CLN6: variants seen among roughly 807,000 people sequenced by gnomAD.
CLN6 encodes CLN6 transmembrane ER protein, also known as ceroid-lipofuscinosis neuronal protein 6.
Under a neutral mutation model 33.3 loss-of-function variants are expected in CLN6, and 22 were observed. The ratio of observed to expected loss-of-function variants is 0.66; its 90% CI spans 0.47 to 0.94. CLN6 has a LOEUF of 0.94. Ranked by LOEUF, CLN6 falls within the 40% of genes least tolerant of loss-of-function variation. The pLI is 0.00. For missense variants in CLN6, 387 were observed against 417.1 expected (o/e 0.93, Z 0.63); for synonymous variants, 201 against 174.6 (o/e 1.15, Z -1.19).
chr15:68,253,758 A>T (rs1188147543), intron 1 of CLN6, among the ~76,000 whole-genome samples: 1 of 152,238 alleles, frequency 6.6e-6, no homozygotes, highest in Non-Finnish European at 1.5e-5. Context: ...TTAGCCGCCG[A>T]TATTATGCCA....
At chr15:68,225,824 T>G (rs536352902) in intron 1 of CLN6, among the ~76,000 whole-genome samples, 35 of 148,822 alleles carry the variant, frequency 2.4e-4, no homozygotes, top group Admixed American at 2.1e-3. Context: ...AATACAAAAA[T>G]TAGATGGGCG....
Position 68,209,549 on chromosome 15 carries a change from C to T in CLN6, c.665+88G>A. ...AAGAGGGCCAGTCTCCCTGGGGCCA[C>T]ACAGCAGGTCCATTGGCAAGTGCAG... On this transcript the variant is annotated intron_variant, in intron 6 of 6. Transcript: ENST00000249806. The surrounding 1 kb of genome is among the most constrained non-coding windows in gnomAD (Gnocchi z 4.9). 1 of 1,569,716 alleles carries T rather than the reference C, an allele frequency of 6.4e-7. No individual in the cohort carries two copies. Among genetic ancestry groups the T allele is most frequent in the Non-Finnish European group, 8.7e-7 (1 of 1,152,126 alleles).
chr15:68,234,819 C>A lies in CLN6; in HGVS notation c.180-16169G>T, dbSNP rs1039770365. ...ATCATTTGAGGTCGGGAGTTTGAGA[C>A]CAGCCTGGCCAACATAGTGAAACTC... is the stretch of plus-strand genomic sequence containing the variant. On this transcript the variant is annotated intron_variant, in intron 1 of 6. Coordinates refer to the CLN6 transcript ENST00000538696. The surrounding 1 kb of genome is among the most constrained non-coding windows in gnomAD (Gnocchi z 4.1). Among the ~76,000 whole-genome samples the A allele has an allele frequency of 6.6e-6, 1 of 152,188 alleles. No homozygotes were observed. Among genetic ancestry groups the A allele is most frequent in the Non-Finnish European group, 1.5e-5 (1 of 68,038 alleles).
chr15:68,211,840 G>A lies in CLN6; in HGVS notation c.321C>T (p.Thr107=), dbSNP rs755184214. 8.7e-6 allele frequency: 14 copies of A among 1,613,816 alleles called. No homozygotes were observed. The highest frequency in any genetic ancestry group is 1.2e-5 in the Non-Finnish European group (14 of 1,180,022). Residue 107 remains threonine, a synonymous_variant, in exon 4 of 7, where the codon ACC becomes ACT. Coordinates refer to ENST00000249806, the MANE Select transcript of CLN6 (RefSeq NM_017882.3). The surrounding 1 kb of genome is among the most constrained non-coding windows in gnomAD (Gnocchi z 5.9). ...LLKLIERSPR[T]LPRSITYVSI... is the part of the protein sequence containing the mutation. The stretch of plus-strand genomic sequence containing the variant: ...TCACGTACGTGATGGAGCGTGGCAG[G>A]GTGCGGGGGGACCGCTCGATGAGCT...
rs1260075637 is a variant in CLN6 at position 68,227,786 on chromosome 15, T to G, written c.83+1716A>C. 6.6e-6 allele frequency among the ~76,000 whole-genome samples: 1 copy of G among 152,186 alleles called. No individual in the cohort carries two copies. Among genetic ancestry groups the G allele is most frequent in the African/African-American group, 2.4e-5 (1 of 41,426 alleles). ...TTGGAAGTGACATCTGGCAGCTCATTGTCAAGACTGAGTAAGATGCTAGAC... is the reference window on the plus strand; with the variant it reads ...TTGGAAGTGACATCTGGCAGCTCATGGTCAAGACTGAGTAAGATGCTAGAC... On this transcript the variant is annotated intron_variant, in intron 1 of 6. Coordinates refer to ENST00000249806, the MANE Select transcript of CLN6 (RefSeq NM_017882.3). This position sits in a 1 kb window ranked among gnomAD's most constrained non-coding sequence, Gnocchi z 4.1.
chr15:68,226,453 T>TA (rs1199798045), intron 1 of CLN6, among the ~76,000 whole-genome samples: 3 of 152,092 alleles, frequency 2.0e-5, no homozygotes, highest in African/African-American at 4.8e-5. Flanking sequence ...ATGGAGATAA[T>TA]AGTAGATCCT....
upstream of CLN6, among the ~76,000 whole-genome samples, chr15:68,233,000 G>T (rs980676875): frequency 1.3e-5 from 2 of 152,140 alleles, no homozygotes; most frequent in African/African-American, 4.8e-5. This position sits in a 1 kb window ranked among gnomAD's most constrained non-coding sequence, Gnocchi z 4.7. Context: ...CCGAGATCAC[G>T]CCACTGCACT....
At position 68,209,517 on chromosome 15, in the gene CLN6, G is replaced by T; in HGVS notation, c.665+120C>A. The stretch of plus-strand genomic sequence containing the variant: ...CCCCACTAGACACAAGAAGAAGCAC[G>T]GGCCCAAAGAGGGCCAGTCTCCCTG... On this transcript the variant is annotated intron_variant, in intron 6 of 6. Coordinates refer to ENST00000249806, the MANE Select transcript of CLN6 (RefSeq NM_017882.3). The surrounding 1 kb of genome is among the most constrained non-coding windows in gnomAD (Gnocchi z 4.9). 1.5e-6 allele frequency: 2 copies of T among 1,369,022 alleles called. No individual in the cohort carries two copies. The highest frequency in any genetic ancestry group is 2.1e-6 in the Non-Finnish European group (2 of 975,016). The allele number at this position is 1,369,022 out of a possible 1,614,324, so 84.8% of individuals were successfully genotyped here.
chr15:68,213,862 G>GAGTTC (rs1266043937), intron 3 of CLN6: 1 of 231,610 alleles, frequency 4.3e-6, no homozygotes, highest in Non-Finnish European at 8.7e-6. Context: ...GCAGAGGATG[G>GAGTTC]AGTTCAGCTG....
rs867929203 is a variant in CLN6, at chr15:68,214,603, G to C, written c.199-215C>G. ...AAAGCTGAGTCCCAGAGGAGGTAAC[G>C]GACTTGTCCCCAGACACAGAGCAGA... On this transcript the variant is annotated intron_variant, in intron 2 of 6. Transcript: ENST00000249806. The C allele has an allele frequency of 1.3e-4, 68 of 535,328 alleles. No individual in the cohort carries two copies. The Middle Eastern group carries it at 2.1e-3, about 17-fold the overall frequency. The allele number at this position is 535,328 out of a possible 1,614,324, so 33.2% of individuals were successfully genotyped here.
In CLN6 at chr15:68,210,560, T is replaced by C. The variant is rs578041988; in HGVS notation, c.542+703A>G. Among the ~76,000 whole-genome samples, 2 of 152,190 alleles carry C rather than the reference T, an allele frequency of 1.3e-5. No individual in the cohort carries two copies. Among genetic ancestry groups the C allele is most frequent in the Non-Finnish European group, 2.9e-5 (2 of 68,024 alleles). ...CTCAGGAGTGAGCCGGGTCCAGGGCTGGCCCTCACCTCCCAGCTGCAGCCT... is the reference window on the plus strand; with the variant it reads ...CTCAGGAGTGAGCCGGGTCCAGGGCCGGCCCTCACCTCCCAGCTGCAGCCT... On this transcript the variant is annotated intron_variant, in intron 5 of 6. Coordinates refer to ENST00000249806, the MANE Select transcript of CLN6 (RefSeq NM_017882.3). This position sits in a 1 kb window ranked among gnomAD's most constrained non-coding sequence, Gnocchi z 5.6.
At chr15:68,251,421 TC>T (rs1892377214) in intron 1 of CLN6, among the ~76,000 whole-genome samples, 1 of 152,126 alleles carries the variant, frequency 6.6e-6, no homozygotes. Context: ...ACACCTGTAA[TC>T]CCAGCACTTT....
rs760345410 is a variant in CLN6 at position 68,208,243 on chromosome 15, G to A, written c.833C>T (p.Ala278Val). The change falls in exon 7 of 7, where the codon GCC becomes GTC. Residue 278 changes from alanine (A) to valine (V), a missense_variant. By Grantham distance (64) the Ala-to-Val change is moderately conservative (BLOSUM62 0). Transcript: ENST00000249806. This position sits in a 1 kb window ranked among gnomAD's most constrained non-coding sequence, Gnocchi z 5.8. ...GAGAACAGGGTCATTCCACAGCCAGGCGACCCAGAGCGCCACAAGCAAGAG... is the reference window on the plus strand; with the variant it reads ...GAGAACAGGGTCATTCCACAGCCAGACGACCCAGAGCGCCACAAGCAAGAG... ...LTLLLVALWVAWLWNDPVLRK... is the reference protein window; with the variant it reads ...LTLLLVALWVVWLWNDPVLRK... 6.2e-7 allele frequency: 1 copy of A among 1,614,024 alleles called. No homozygotes were observed. The highest frequency in any genetic ancestry group is 1.1e-5 in the South Asian group (1 of 91,078).
At chr15:68,231,493 A>G (rs2093268570), upstream of CLN6, among the ~76,000 whole-genome samples, 2 of 152,258 alleles carry the variant, frequency 1.3e-5, no homozygotes, top group South Asian at 4.1e-4. Context: ...CGATCTCGGT[A>G]TACACCAGAG....
intron 1 of CLN6, chr15:68,254,488 A>G (rs1226764077): frequency 6.0e-6 from 2 of 332,882 alleles, no homozygotes; most frequent in Non-Finnish European, 1.1e-5. Context: ...AAAAAAGGTC[A>G]AATGTCTCTT....
At position 68,209,604 on chromosome 15, in the gene CLN6, C is replaced by T. The variant is rs748738509; in HGVS notation, c.665+33G>A. On this transcript the variant is annotated intron_variant, in intron 6 of 6. Coordinates refer to ENST00000249806, the MANE Select transcript of CLN6 (RefSeq NM_017882.3). This position sits in a 1 kb window ranked among gnomAD's most constrained non-coding sequence, Gnocchi z 4.9. ...TTGCTGCCGTGGCTCTCTCAGTGCCCCTGCCTCTGCCCCCATGCTGATGTC... is the reference window on the plus strand; with the variant it reads ...TTGCTGCCGTGGCTCTCTCAGTGCCTCTGCCTCTGCCCCCATGCTGATGTC... 8 of 1,610,260 alleles carry T rather than the reference C, an allele frequency of 5.0e-6. No individual in the cohort carries two copies. The highest frequency in any genetic ancestry group is 5.9e-6 in the Non-Finnish European group (7 of 1,179,540).
upstream of CLN6, among the ~76,000 whole-genome samples, chr15:68,230,611 C>G (rs1041519118): frequency 3.3e-5 from 5 of 152,240 alleles, no homozygotes; most frequent in African/African-American, 9.6e-5. This position sits in a 1 kb window ranked among gnomAD's most constrained non-coding sequence, Gnocchi z 4.0. Flanking sequence ...CAACCCCTCA[C>G]AGCTTCAGTT....
At chr15:68,229,475 C>A (rs768341543) in intron 1 of CLN6, 27 bp downstream of exon 1, 471 of 1,451,514 alleles carry the variant, frequency 3.2e-4, no homozygotes, top group Non-Finnish European at 1.6e-4. Flanking sequence ...GCGCCTAGCC[C>A]GCCCTCTCAC....
chr15:68,252,454 T>C (rs892380836), intron 1 of CLN6, among the ~76,000 whole-genome samples: 2 of 152,230 alleles, frequency 1.3e-5, no homozygotes, highest in African/African-American at 2.4e-5. Context: ...TCCAACTCTA[T>C]TGGCAAAAAT....
Sources: gnomAD v4.1 joint callset for allele counts (sites outside exome capture counted in the v4.1 genomes callset) on GRCh38, gnomAD v4.1.1 for gene constraint, Gnocchi (gnomAD v3.1) non-coding constraint, MANE v1.5 for transcripts, NCBI Gene and HGNC (gene_info 2026-07-23, HGNC 2026-07-21) for gene names.